The following NAV2 variants were observed in gnomAD, a reference collection of about 807,000 sequenced individuals.
The protein encoded by NAV2 is neuron navigator 2.
Under a neutral mutation model 223.2 loss-of-function variants are expected in NAV2, and 54 were observed. That is an observed-to-expected ratio of 0.24 (90% CI 0.19 to 0.30). NAV2 has a LOEUF of 0.30. Ranked by LOEUF, NAV2 falls within the 10% of genes least tolerant of loss-of-function variation. The probability of loss-of-function intolerance (pLI) is 1.00; values close to 1 mark genes in which losing one functional copy is unlikely to be tolerated. For synonymous variants in NAV2, 1,279 were observed against 1,239.3 expected (o/e 1.03, Z -0.67); for missense variants, 2,806 against 3,147.5 (o/e 0.89, Z 2.60).
At chr11:19,938,580 G>T (rs1256126103) in intron 7 of NAV2, among the ~76,000 whole-genome samples, 2 of 152,212 alleles carry the variant, frequency 1.3e-5, no homozygotes, top group Non-Finnish European at 2.9e-5. Context: ...AAAATATTAT[G>T]CAGACCAGTA....
intron 11 of NAV2, among the ~76,000 whole-genome samples, chr11:20,028,704 C>T (rs1368508608): frequency 6.6e-6 from 1 of 152,114 alleles, no homozygotes; most frequent in African/African-American, 2.4e-5. Flanking sequence ...TCCTTTCCAT[C>T]CGGGGGAAAA....
intron 1 of NAV2, among the ~76,000 whole-genome samples, chr11:19,676,920 A>G (rs2048730104): frequency 6.6e-6 from 1 of 152,156 alleles, no homozygotes; most frequent in Non-Finnish European, 1.5e-5. Context: ...TCGTTAAGAC[A>G]TTTCCTAGGA....
chr11:19,934,071 C>T lies in NAV2; in HGVS notation c.1827C>T (p.His609=). 1 of 1,610,780 alleles carries T rather than the reference C, an allele frequency of 6.2e-7. No individual in the cohort carries two copies. The highest frequency in any genetic ancestry group is 8.5e-7 in the Non-Finnish European group (1 of 1,178,462). Residue 609 remains histidine, a synonymous_variant, in exon 7 of 38, where the codon CAC becomes CAT. Coordinates refer to ENST00000349880, the MANE Select transcript of NAV2 (RefSeq NM_145117.5). ...AGAAGCCCCAGCTGGACGGCAGACA[C>T]TCCAGTTCCTCTTCCAGCCTGGCGT... ...PQQKPQLDGR[H]SSSSSSLASS...
intron 1 of NAV2, among the ~76,000 whole-genome samples, chr11:19,825,176 C>T (rs1030670540): frequency 2.0e-5 from 3 of 151,470 alleles, no homozygotes; most frequent in African/African-American, 7.3e-5. Context: ...CCTTTAATCC[C>T]AGCTACTTGG....
At chr11:20,063,714 A>T (rs111311012) in intron 20 of NAV2, among the ~76,000 whole-genome samples, 43 of 152,282 alleles carry the variant, frequency 2.8e-4, no homozygotes, top group African/African-American at 9.4e-4. Context: ...GTAATTTGGG[A>T]ATTTCTACAG....
intron 1 of NAV2, among the ~76,000 whole-genome samples, chr11:19,739,080 C>G (rs1315680744): frequency 6.6e-6 from 1 of 152,180 alleles, no homozygotes; most frequent in Non-Finnish European, 1.5e-5. Context: ...ACTCAGCAGG[C>G]TAAGGTGGGA....
At chr11:19,463,236 A>G (rs746445885) in intron 1 of NAV2, among the ~76,000 whole-genome samples, 1 of 152,276 alleles carries the variant, frequency 6.6e-6, no homozygotes, top group Non-Finnish European at 1.5e-5. Flanking sequence ...TAAGTAATAG[A>G]GATCATGTTC....
chr11:20,103,218 C>A, intron 32 of NAV2, 37 bp from the exon 33 acceptor site: 1 of 1,587,616 alleles, frequency 6.3e-7, no homozygotes, highest in Non-Finnish European at 8.6e-7. Flanking sequence ...AGTGCATTCA[C>A]CCACTTGTTC....
In NAV2 at chr11:20,043,983, T is replaced by C; in HGVS notation, c.2910T>C (p.Thr970=). Residue 970 remains threonine (T), a splice_region_variant and synonymous_variant, in exon 13 of 38, where the codon ACT becomes ACC. Transcript: ENST00000349880. ...ATTCAGAGAGTCTCTGTCCACAGAC[T>C]GATGCTGAGAAGCACTCACAGGTGG... ...ASSRKNLDVQ[T]DAEKHSQVER... is the part of the protein sequence containing the mutation. 1 of 1,613,298 alleles carries C rather than the reference T, an allele frequency of 6.2e-7. No individual in the cohort carries two copies. Among genetic ancestry groups the C allele is most frequent in the Non-Finnish European group, 8.5e-7 (1 of 1,179,270 alleles).
intron 1 of NAV2, among the ~76,000 whole-genome samples, chr11:19,696,088 C>T (rs1411278232): frequency 1.3e-5 from 2 of 151,874 alleles, no homozygotes; most frequent in East Asian, 3.9e-4. Context: ...TGAATCATGC[C>T]CCCATAACCT....
At chr11:19,878,499 T>C (rs912667432) in intron 4 of NAV2, among the ~76,000 whole-genome samples, 1 of 152,124 alleles carries the variant, frequency 6.6e-6, no homozygotes, top group Non-Finnish European at 1.5e-5. Flanking sequence ...AACTAAGAAG[T>C]GGTAAGAATA....
At chr11:19,890,941 G>A (rs979769187) in intron 5 of NAV2, among the ~76,000 whole-genome samples, 2 of 152,216 alleles carry the variant, frequency 1.3e-5, no homozygotes, top group African/African-American at 4.8e-5. Flanking sequence ...ACAGTGGGAA[G>A]TAATTCTCAC....
chr11:19,892,533 C>A lies in NAV2; in HGVS notation c.870C>A (p.Asn290Lys), dbSNP rs771742473. The part of the protein sequence containing the change: ...TANNRRSQSF[N>K]NYDKSKPVTS... Reference sequence around the variant, plus strand: ...ACAACCGACGCAGCCAGAGCTTTAACAACTATGATAAATCCAAACCAGTCA... The same window carrying A: ...ACAACCGACGCAGCCAGAGCTTTAAAAACTATGATAAATCCAAACCAGTCA... Residue 290 changes from asparagine (N) to lysine (K), a missense_variant, in exon 6 of 38, where the codon AAC becomes AAA. By Grantham distance (94) the Asn-to-Lys change is moderately conservative (BLOSUM62 0). Around this residue, in one of 4 missense-constraint regions of NAV2, gnomAD observed 1,167 missense variants for 1,180.5 expected, o/e 0.99. Coordinates refer to ENST00000349880, the MANE Select transcript of NAV2 (RefSeq NM_145117.5). 1.2e-6 allele frequency: 2 copies of A among 1,614,242 alleles called. No homozygotes were observed. Among genetic ancestry groups the A allele is most frequent in the Non-Finnish European group, 8.5e-7 (1 of 1,180,038 alleles).
chr11:19,706,982 T>C (rs1383947170), intron 1 of NAV2, among the ~76,000 whole-genome samples: 2 of 152,192 alleles, frequency 1.3e-5, no homozygotes, highest in African/African-American at 4.8e-5. Flanking sequence ...TACAACACAA[T>C]GGTATTTGTG....
At chr11:19,361,867 T>C (rs1853971368) in intron 1 of NAV2, among the ~76,000 whole-genome samples, 1 of 152,162 alleles carries the variant, frequency 6.6e-6, no homozygotes, top group African/African-American at 2.4e-5. Flanking sequence ...CCAAATCTTG[T>C]CAACACAAGT....
At chr11:19,752,739 A>G (rs2053931677) in intron 1 of NAV2, among the ~76,000 whole-genome samples, 1 of 152,160 alleles carries the variant, frequency 6.6e-6, no homozygotes, top group Admixed American at 6.5e-5. Context: ...TTCCAGTTGT[A>G]TATTATCACA....
At chr11:19,470,476 G>A (rs1234641733) in intron 1 of NAV2, among the ~76,000 whole-genome samples, 1 of 152,176 alleles carries the variant, frequency 6.6e-6, no homozygotes, top group Non-Finnish European at 1.5e-5. Context: ...CATCTTGTGA[G>A]GGCCTTCTTG....
upstream of NAV2, among the ~76,000 whole-genome samples, chr11:19,708,448 T>A (rs768917947): frequency 6.6e-6 from 1 of 152,188 alleles, no homozygotes; most frequent in African/African-American, 2.4e-5. Flanking sequence ...GGCTGTAGAC[T>A]TTTCCCCCCA....
intron 1 of NAV2, among the ~76,000 whole-genome samples, chr11:19,793,568 C>G (rs541677144): frequency 6.6e-6 from 1 of 152,210 alleles, no homozygotes; most frequent in Non-Finnish European, 1.5e-5. Flanking sequence ...GCCTCTTGCA[C>G]CTGGACTGTT....
Sources: gnomAD v4.1 joint callset for allele counts (sites outside exome capture counted in the v4.1 genomes callset) on GRCh38, gnomAD v4.1.1 for gene constraint, gnomAD v4.1.1 regional missense constraint, MANE v1.5 for transcripts, NCBI Gene and HGNC (gene_info 2026-07-23, HGNC 2026-07-21) for gene names.